H3-7: variants seen among roughly 807,000 people sequenced by gnomAD.
H3-7 encodes H3.7 histone (putative), also known as histone H3-7.
At chr1:143,905,740 G>A in the H3-7 span, 17 of 1,581,634 alleles carry the variant, frequency 1.1e-5, 4 homozygotes, top group Non-Finnish European at 1.4e-5. Flanking sequence ...AAACTCCTGC[G>A]CGATCTCGCG....
the H3-7 span, chr1:143,905,716 C>A: frequency 1.3e-6 from 2 of 1,582,466 alleles, no homozygotes; most frequent in African/African-American, 2.7e-5. Context: ...GCTCTGGAAG[C>A]GCAGGTCCGT....
chr1:143,904,298 C>CA, the H3-7 span: 1 of 1,584,766 alleles, frequency 6.3e-7, no homozygotes, highest in Non-Finnish European at 8.6e-7. Context: ...CGCCGGGCAG[C>CA]AGCAGGCGCA....
At chr1:143,905,768 G>A in the H3-7 span, 1 of 1,582,014 alleles carries the variant, frequency 6.3e-7, no homozygotes, top group African/African-American at 1.3e-5. Flanking sequence ...CGCTGGAAGG[G>A]CAGCTTGCGG....
At chr1:143,905,932 G>A in the H3-7 span, 6 of 1,580,146 alleles carry the variant, frequency 3.8e-6, 1 homozygote, top group Admixed American at 1.7e-5. Flanking sequence ...CTTGCCGCCG[G>A]TCGACTTGCG....
the H3-7 span, chr1:143,904,731 T>C: frequency 1.1e-5 from 11 of 1,032,550 alleles, no homozygotes; most frequent in Non-Finnish European, 2.9e-6. Context: ...CTTTAATTGG[T>C]TAACTTACAA....
At chr1:143,905,477 A>G in the H3-7 span, 8 of 1,063,166 alleles carry the variant, frequency 7.5e-6, no homozygotes, top group African/African-American at 1.6e-5. Flanking sequence ...CATCAGATGG[A>G]GAGCCGGTAC....
At chr1:143,903,933 C>A in the H3-7 span, among the ~76,000 whole-genome samples, 1 of 146,476 alleles carries the variant, frequency 6.8e-6, no homozygotes, top group East Asian at 2.0e-4. Context: ...TTCCCTCCAT[C>A]CCTCCCAAAT....
At chr1:143,905,506 C>T in the H3-7 span, 33 of 1,319,012 alleles carry the variant, frequency 2.5e-5, 2 homozygotes, top group Non-Finnish European at 3.3e-5. Context: ...TTGATGAAAA[C>T]GGCAGTGGCT....
the H3-7 span, among the ~76,000 whole-genome samples, chr1:143,904,879 G>T: frequency 4.9e-5 from 7 of 143,670 alleles, 1 homozygote; most frequent in Non-Finnish European, 9.3e-5. Flanking sequence ...TAGGTGAAGC[G>T]ATAGTTTCAA....
chr1:143,904,366 G>T, the H3-7 span: 3 of 1,582,764 alleles, frequency 1.9e-6, no homozygotes, highest in African/African-American at 1.3e-5. Context: ...TGCGCCAGGC[G>T]GGACGCCTCT....
the H3-7 span, chr1:143,904,787 G>C: frequency 4.9e-6 from 3 of 609,434 alleles, no homozygotes; most frequent in Non-Finnish European, 8.6e-6. Context: ...ATAGATTCTA[G>C]TCTTGCTTCC....
the H3-7 span, among the ~76,000 whole-genome samples, chr1:143,904,013 G>T: frequency 2.2e-3 from 322 of 145,244 alleles, 14 homozygotes; most frequent in East Asian, 0.027. Context: ...GACTAGACGG[G>T]GATGACTGAG....
the H3-7 span, chr1:143,904,765 T>C: frequency 3.0e-6 from 2 of 673,220 alleles, no homozygotes; most frequent in Non-Finnish European, 5.0e-6. Context: ...GGGGGTGGAG[T>C]CTATGTAAAT....
At chr1:143,905,054 A>AT in the H3-7 span, among the ~76,000 whole-genome samples, 7 of 120,956 alleles carry the variant, frequency 5.8e-5, 1 homozygote, top group Admixed American at 6.2e-4. Flanking sequence ...TCACCCACAC[A>AT]TTTTTAAAAA....
chr1:143,905,749 C>T, the H3-7 span: 1 of 1,581,938 alleles, frequency 6.3e-7, no homozygotes, highest in Non-Finnish European at 8.7e-7. Context: ...CGCGATCTCG[C>T]GTACCAGCCG....
chr1:143,905,903 C>T, the H3-7 span: 13 of 1,580,084 alleles, frequency 8.2e-6, 4 homozygotes, highest in Non-Finnish European at 8.7e-6. Flanking sequence ...GCTTTGGTAG[C>T]CAGCTGCTTC....
chr1:143,905,700 G>T, the H3-7 span: 4 of 1,582,742 alleles, frequency 2.5e-6, no homozygotes, highest in South Asian at 2.3e-5. Flanking sequence ...GCGCCATCAC[G>T]GCCGAGCTCT....
the H3-7 span, chr1:143,905,805 G>C: frequency 4.0e-5 from 63 of 1,582,110 alleles, 7 homozygotes; most frequent in South Asian, 5.2e-4. Flanking sequence ...ACTTCTGATA[G>C]CGCCGGATCT....
the H3-7 span, chr1:143,904,422 C>A: frequency 2.0e-5 from 31 of 1,582,756 alleles, 2 homozygotes; most frequent in East Asian, 6.6e-4. Flanking sequence ...GTTCATGATG[C>A]CCATGGTCTT....
Sources: allele counts gnomAD v4.1 joint callset (sites outside exome capture counted in the v4.1 genomes callset), GRCh38; gene constraint gnomAD v4.1.1; transcripts MANE v1.5; gene names NCBI Gene and HGNC (gene_info 2026-07-23, HGNC 2026-07-21).